The following ZFHX4 variants were observed in gnomAD, a reference collection of about 807,000 sequenced individuals.
The protein encoded by ZFHX4 is zinc finger homeobox protein 4.
A neutral mutation model predicts 267.6 loss-of-function variants in ZFHX4; 56 were observed. The observed-to-expected ratio is 0.21, with a 90% CI of 0.17 to 0.26. ZFHX4 has a LOEUF of 0.26. ZFHX4 is among the 10% of genes least tolerant of loss of function. The pLI, the probability that ZFHX4 is intolerant of heterozygous loss-of-function variation, is 1.00. For missense variants in ZFHX4, 4,332 were observed against 4,420.0 expected, an observed-to-expected ratio of 0.98 and a Z score of 0.56; for synonymous variants, 1,778 against 1,665.6, an observed-to-expected ratio of 1.07 and a Z score of -1.64.
chr8:76,777,860 T>C (rs1477992008), intron 3 of ZFHX4, among the ~76,000 whole-genome samples: 2 of 150,866 alleles, frequency 1.3e-5, no homozygotes, highest in Admixed American at 6.6e-5. Flanking sequence ...GAACTTGTTT[T>C]TTTTTTTGTT....
chr8:76,781,103 C>A (rs1204894031), intron 4 of ZFHX4, among the ~76,000 whole-genome samples: 1 of 152,040 alleles, frequency 6.6e-6, no homozygotes, highest in Admixed American at 6.6e-5. Flanking sequence ...CTGATTACTT[C>A]ATGACATCTG....
chr8:76,855,366 C>A lies in ZFHX4; in HGVS notation c.8445C>A (p.Thr2815=), dbSNP rs746050728. 6.2e-7 allele frequency: 1 copy of A among 1,613,742 alleles called. No homozygotes were observed. The highest frequency in any genetic ancestry group is 8.5e-7 in the Non-Finnish European group (1 of 1,179,846). Residue 2815 remains threonine, a synonymous_variant, in exon 10 of 11, where the codon ACC becomes ACA. Coordinates refer to ENST00000651372, the MANE Select transcript of ZFHX4 (RefSeq NM_024721.5). The part of the protein sequence containing the change: ...SINTAISDAT[T]GDEGNTEMES... ...ATACGGCAATCAGTGACGCCACCAC[C>A]GGAGACGAGGGAAACACTGAAATGG... is the stretch of plus-strand genomic sequence containing the variant.
At chr8:76,743,979 A>C (rs745536787) in intron 3 of ZFHX4, among the ~76,000 whole-genome samples, 206 of 152,156 alleles carry the variant, frequency 1.4e-3, no homozygotes, top group Non-Finnish European at 2.4e-3. Context: ...TAACCACTTC[A>C]TTGTTTAAGG....
intron 4 of ZFHX4, among the ~76,000 whole-genome samples, chr8:76,805,847 GC>G (rs1430382942): frequency 6.6e-6 from 1 of 151,654 alleles, no homozygotes; most frequent in Admixed American, 6.6e-5. Context: ...GTGTAAGTAC[GC>G]CTTTAGGGGA....
Position 76,863,111 on chromosome 8 carries a change from G to A in ZFHX4, c.9397G>A (p.Ala3133Thr), listed in dbSNP as rs1176965302. 2 of 1,525,108 alleles carry A rather than the reference G, an allele frequency of 1.3e-6. No individual in the cohort carries two copies. Among genetic ancestry groups the A allele is most frequent in the Non-Finnish European group, 1.8e-6 (2 of 1,135,090 alleles). 94.5% of individuals were successfully genotyped at this position (1,525,108 alleles called of 1,614,324 possible). The part of the protein sequence containing the change: ...QNSNTLTPPG[A>T]GMLGFPTSAT... ...GTTTTCAGCTTTAACACCTCCCGGTGCAGGCATGCTTGGGTTTCCTACTTC... is the reference window on the plus strand; with the variant it reads ...GTTTTCAGCTTTAACACCTCCCGGTACAGGCATGCTTGGGTTTCCTACTTC... Residue 3133 changes from alanine to threonine, a missense_variant, in exon 11 of 11, where the codon GCA (alanine) becomes ACA (threonine). Ala to Thr is a moderately conservative substitution (Grantham distance 58). This residue lies in a region of ZFHX4 where 1,648 missense variants were observed against 1,625.0 expected (regional missense o/e 1.01). Transcript: ENST00000651372.
chr8:76,701,610 A>T (rs1326002291), intron 1 of ZFHX4, among the ~76,000 whole-genome samples: 1 of 152,160 alleles, frequency 6.6e-6, no homozygotes, highest in East Asian at 1.9e-4. Flanking sequence ...TTAACTGCAC[A>T]TTTTATGCAA....
chr8:76,780,677 G>A (rs1374318693), intron 4 of ZFHX4, among the ~76,000 whole-genome samples: 1 of 152,116 alleles, frequency 6.6e-6, no homozygotes, highest in East Asian at 1.9e-4. Context: ...ATGATTTTCA[G>A]AGATAAGGAT....
intron 4 of ZFHX4, among the ~76,000 whole-genome samples, chr8:76,798,236 T>C (rs1341085869): frequency 6.6e-6 from 1 of 152,152 alleles, no homozygotes; most frequent in East Asian, 1.9e-4. Context: ...TTTCCTTTTT[T>C]CTCTTTGTTT....
intron 4 of ZFHX4, among the ~76,000 whole-genome samples, chr8:76,826,332 T>C (rs1361587143): frequency 1.3e-5 from 2 of 152,110 alleles, no homozygotes; most frequent in African/African-American, 4.8e-5. Context: ...CCTCCAACAC[T>C]GGGAAACACA....
At chr8:76,842,935 G>C (rs1273697823) in intron 6 of ZFHX4, among the ~76,000 whole-genome samples, 164 bp downstream of exon 6, 5 of 152,016 alleles carry the variant, frequency 3.3e-5, no homozygotes, top group Non-Finnish European at 7.4e-5. Flanking sequence ...CATTTTGCAT[G>C]TGATTTCTAT....
intron 4 of ZFHX4, among the ~76,000 whole-genome samples, chr8:76,804,412 G>A (rs1463318163): frequency 5.9e-5 from 9 of 152,044 alleles, no homozygotes; most frequent in Non-Finnish European, 1.3e-4. Context: ...TTTAAAGATA[G>A]AAAGCATAAA....
chr8:76,787,529 G>A (rs2131797967), intron 4 of ZFHX4, among the ~76,000 whole-genome samples: 1 of 151,760 alleles, frequency 6.6e-6, no homozygotes, highest in African/African-American at 2.4e-5. Context: ...GTGGCCAGGT[G>A]CGGTGGCTCA....
At chr8:76,833,696 G>T (rs577838524) in intron 5 of ZFHX4, 78 of 325,706 alleles carry the variant, frequency 2.4e-4, no homozygotes, top group Non-Finnish European at 4.0e-4. Flanking sequence ...CCACCAGAGT[G>T]GTACACTTGT....
At chr8:76,788,819 T>C (rs1189780030) in intron 4 of ZFHX4, among the ~76,000 whole-genome samples, 27 of 152,198 alleles carry the variant, frequency 1.8e-4, no homozygotes, top group Admixed American at 1.8e-3. Context: ...AGTGCAGGTC[T>C]GGGGTCTGGG....
rs760233472 is a variant in ZFHX4, at chr8:76,867,040, T to C, written c.*2475T>C. On this transcript the variant is annotated 3_prime_UTR_variant, in exon 11 of 11. Coordinates refer to ENST00000651372, the MANE Select transcript of ZFHX4 (RefSeq NM_024721.5). Reference sequence around the variant, plus strand: ...TAAATAAACTAAACCAAAAATGTTATTGATGTTTTATATATAGAGAGTAGT... The same window carrying C: ...TAAATAAACTAAACCAAAAATGTTACTGATGTTTTATATATAGAGAGTAGT... The C allele has an allele frequency of 6.6e-6, 1 of 152,606 alleles. No homozygotes were observed. The highest frequency in any genetic ancestry group is 6.6e-5 in the Admixed American group (1 of 15,262). The allele number at this position is 152,606 out of a possible 1,614,324, so 9.5% of individuals were successfully genotyped here.
Position 76,856,064 on chromosome 8 carries a change from A to C in ZFHX4, c.9143A>C (p.Asp3048Ala), listed in dbSNP as rs2131963939. Residue 3048 changes from aspartate (D) to alanine (A), a missense_variant, in exon 10 of 11, where the codon GAT becomes GCT. Physicochemically the swap from Asp to Ala is moderately radical, Grantham distance 126 (BLOSUM62 -2). Coordinates refer to ENST00000651372, the MANE Select transcript of ZFHX4 (RefSeq NM_024721.5). ...TVGSQLDREK[D>A]YLAPTTVRQL... is the part of the protein sequence containing the mutation. ...GGCAGTCAGCTCGATCGGGAGAAAG[A>C]TTACTTGGCTCCGACCACGGTTCGG... The C allele has an allele frequency of 6.2e-7, 1 of 1,613,988 alleles. No homozygotes were observed. Among genetic ancestry groups the C allele is most frequent in the East Asian group, 2.2e-5 (1 of 44,870 alleles).
intron 4 of ZFHX4, among the ~76,000 whole-genome samples, chr8:76,798,852 A>G (rs1811048461): frequency 6.6e-6 from 1 of 152,138 alleles, no homozygotes; most frequent in Non-Finnish European, 1.5e-5. Flanking sequence ...ATCCATCATA[A>G]TGGAACCATA....
chr8:76,850,805 G>T (rs1812492985), intron 9 of ZFHX4, 81 bp from the exon 10 acceptor site: 1 of 1,360,448 alleles, frequency 7.4e-7, no homozygotes, highest in Non-Finnish European at 9.7e-7. Context: ...GCCTTTAGAG[G>T]CTACTATTTA....
At position 76,866,884 on chromosome 8, in the gene ZFHX4, ATTGTTTT is replaced by A. The variant is rs2131992192; in HGVS notation, c.*2322_*2328del. The A allele has an allele frequency of 6.5e-6, 1 of 152,680 alleles. No homozygotes were observed. Among genetic ancestry groups the A allele is most frequent in the South Asian group, 2.1e-4 (1 of 4,826 alleles). The allele number at this position is 152,680 out of a possible 1,614,324, so 9.5% of individuals were successfully genotyped here. ...CAGCCTCCAAAGGTTGAGAATGAGA[ATTGTTTT>A]TTCCTGGATATCAAAGGGATTATCA... On this transcript the variant is annotated 3_prime_UTR_variant, in exon 11 of 11. Transcript: ENST00000651372.
Sources: gnomAD v4.1 joint callset for allele counts (sites outside exome capture counted in the v4.1 genomes callset) on GRCh38, gnomAD v4.1.1 for gene constraint, gnomAD v4.1.1 regional missense constraint, MANE v1.5 for transcripts, NCBI Gene and HGNC (gene_info 2026-07-23, HGNC 2026-07-21) for gene names.